Variants in IP6K3 observed in about 807,000 individuals in gnomAD.
IP6K3 encodes the protein inositol hexakisphosphate kinase 3.
In IP6K3, 20 loss-of-function variants were observed where a neutral mutation model predicts 28.8. That is an observed-to-expected ratio of 0.70 (90% CI 0.49 to 1.01). The LOEUF (loss-of-function observed/expected upper bound fraction) is 1.01. Among genes scored for constraint, IP6K3 ranks in the 50% least tolerant of loss-of-function variants. The pLI, the probability that IP6K3 is intolerant of heterozygous loss-of-function variation, is 0.00. For synonymous variants in IP6K3, 213 were observed against 221.3 expected (o/e 0.96, Z 0.33); for missense variants, 480 against 537.1 (o/e 0.89, Z 1.05).
Position 33,744,810 on chromosome 6 carries a change from A to G in IP6K3, c.-180+1948T>C, listed in dbSNP as rs1186236818. Reference sequence around the variant, plus strand: ...ATCATTGAGGTTGGATTCTCCCCATAACGTTCTATAACATCTCTTGCCCTC... The same window carrying G: ...ATCATTGAGGTTGGATTCTCCCCATGACGTTCTATAACATCTCTTGCCCTC... On this transcript the variant is annotated intron_variant, in intron 1 of 5. Coordinates refer to ENST00000293756, the MANE Select transcript of IP6K3 (RefSeq NM_054111.5). This position sits in a 1 kb window ranked among gnomAD's most constrained non-coding sequence, Gnocchi z 4.4. Among the ~76,000 whole-genome samples the G allele has an allele frequency of 6.6e-6, 1 of 152,188 alleles. No individual in the cohort carries two copies. Among genetic ancestry groups the G allele is most frequent in the Non-Finnish European group, 1.5e-5 (1 of 68,022 alleles).
chr6:33,745,089 G>A (rs1292782285), intron 1 of IP6K3, among the ~76,000 whole-genome samples: 4 of 152,248 alleles, frequency 2.6e-5, no homozygotes, highest in African/African-American at 7.2e-5. Flanking sequence ...ACTGCAGCCC[G>A]CGGGCCAGCA....
At chr6:33,730,043 A>G (rs1403201534) in intron 2 of IP6K3, among the ~76,000 whole-genome samples, 1 of 152,114 alleles carries the variant, frequency 6.6e-6, no homozygotes, top group Non-Finnish European at 1.5e-5. Context: ...GTCTTCATTT[A>G]ATCTCCTTTG....
At chr6:33,760,257 G>T in the IP6K3 span, among the ~76,000 whole-genome samples, 1 of 152,260 alleles carries the variant, frequency 6.6e-6, no homozygotes, top group African/African-American at 2.4e-5. Context: ...GGAGTGCTCA[G>T]TGGAGACTGC....
At chr6:33,758,401 C>T in the IP6K3 span, among the ~76,000 whole-genome samples, 12 of 152,128 alleles carry the variant, frequency 7.9e-5, no homozygotes, top group East Asian at 5.8e-4. Flanking sequence ...TGTGGTGGCA[C>T]GTGCCTGTAG....
chr6:33,755,734 C>T, the IP6K3 span, among the ~76,000 whole-genome samples: 9 of 152,372 alleles, frequency 5.9e-5, no homozygotes, highest in South Asian at 1.5e-3. Context: ...CTACTCATTC[C>T]GCACGCATGG....
At chr6:33,739,488 C>T (rs1054156265) in intron 1 of IP6K3, among the ~76,000 whole-genome samples, 5 of 152,140 alleles carry the variant, frequency 3.3e-5, no homozygotes, top group Admixed American at 6.5e-5. Flanking sequence ...GGGTGGGTTT[C>T]GCCGCTGCTC....
intron 1 of IP6K3, among the ~76,000 whole-genome samples, chr6:33,738,147 G>T (rs896770321): frequency 2.0e-5 from 3 of 152,100 alleles, no homozygotes; most frequent in African/African-American, 7.2e-5. Flanking sequence ...TTTGCCAGCT[G>T]ACCTGTCCCC....
At chr6:33,740,166 C>A (rs1296064194) in intron 1 of IP6K3, among the ~76,000 whole-genome samples, 2 of 152,220 alleles carry the variant, frequency 1.3e-5, no homozygotes, top group African/African-American at 4.8e-5. Flanking sequence ...CCTTGCCCAG[C>A]ATCCTTCCCT....
At chr6:33,729,162 C>T (rs1007556171) in intron 2 of IP6K3, among the ~76,000 whole-genome samples, 5 of 152,222 alleles carry the variant, frequency 3.3e-5, no homozygotes, top group African/African-American at 1.2e-4. Context: ...CTGTGGCAGG[C>T]ACATTAGCAG....
intron 1 of IP6K3, among the ~76,000 whole-genome samples, chr6:33,743,988 A>G (rs1175048816): frequency 6.6e-6 from 1 of 152,110 alleles, no homozygotes; most frequent in Non-Finnish European, 1.5e-5. Context: ...ACTTAGCAGC[A>G]CCAACAATGT....
At chr6:33,730,681 G>A (rs1302091098) in intron 2 of IP6K3, among the ~76,000 whole-genome samples, 1 of 152,138 alleles carries the variant, frequency 6.6e-6, no homozygotes, top group East Asian at 1.9e-4. Flanking sequence ...CTAAGTCACA[G>A]TACGCCTGTA....
At position 33,722,674 on chromosome 6, in the gene IP6K3, A is replaced by G. The variant is rs755887816; in HGVS notation, c.*46T>C. The G allele has an allele frequency of 2.2e-6, 3 of 1,351,686 alleles. No individual in the cohort carries two copies. The highest frequency in any genetic ancestry group is 2.0e-5 in the Admixed American group (1 of 51,094). 83.7% of individuals were successfully genotyped at this position (1,351,686 alleles called of 1,614,324 possible). The stretch of plus-strand genomic sequence containing the variant: ...CTACCCTAGCAACCAACAGGTCTCT[A>G]TTTGAGATCTATAGCCCAGAAGAAT... On this transcript the variant is annotated 3_prime_UTR_variant, in exon 6 of 6. Coordinates refer to ENST00000293756, the MANE Select transcript of IP6K3 (RefSeq NM_054111.5).
Position 33,728,096 on chromosome 6 carries a change from G to A in IP6K3, c.404C>T (p.Pro135Leu). The part of the protein sequence containing the change: ...QWPHAQLARS[P>L]KESPAKALLR... ...TGCCCAGTGCCCTCACCTCTCCTTG[G>A]GTGAGCGTGCCAGCTGGGCATGCGG... The change falls in exon 3 of 6, where the codon CCC becomes CTC. Residue 135 changes from proline (P) to leucine (L), a missense_variant. Pro to Leu is a moderately conservative substitution (Grantham distance 98). Coordinates refer to ENST00000293756, the MANE Select transcript of IP6K3 (RefSeq NM_054111.5). The A allele has an allele frequency of 3.1e-6, 5 of 1,604,124 alleles. No individual in the cohort carries two copies. The highest frequency in any genetic ancestry group is 4.2e-6 in the Non-Finnish European group (5 of 1,179,848).
At chr6:33,762,132 T>C in the IP6K3 span, among the ~76,000 whole-genome samples, 1 of 152,118 alleles carries the variant, frequency 6.6e-6, no homozygotes, top group Admixed American at 6.5e-5. Context: ...GGAGCCCTTG[T>C]GTGTTCAGCC....
chr6:33,742,077 G>T lies in IP6K3; in HGVS notation c.-180+4681C>A, dbSNP rs1766746537. Among the ~76,000 whole-genome samples the T allele has an allele frequency of 6.6e-6, 1 of 151,956 alleles. No individual in the cohort carries two copies. Among genetic ancestry groups the T allele is most frequent in the Non-Finnish European group, 1.5e-5 (1 of 68,010 alleles). On this transcript the variant is annotated intron_variant, in intron 1 of 5. Transcript: ENST00000293756. The surrounding 1 kb of genome is among the most constrained non-coding windows in gnomAD (Gnocchi z 4.5). ...TAGTCACTCCTAAGGGTCAACTCTG[G>T]ACCCCTGGCTTTACAATCACACCTC... is the stretch of plus-strand genomic sequence containing the variant.
At position 33,726,729 on chromosome 6, in the gene IP6K3, A is replaced by G. The variant is rs1425801232; in HGVS notation, c.589+2T>C. ...CACATGTGAGGGGGATGGCAAGGAT[A>G]CGATGCCGCTTGTTCTCTGGGTACT... On this transcript the variant is annotated splice_donor_variant, in intron 4 of 5. Coordinates refer to ENST00000293756, the MANE Select transcript of IP6K3 (RefSeq NM_054111.5). LOFTEE classifies it high-confidence loss of function. 5 of 1,577,248 alleles carry G rather than the reference A, an allele frequency of 3.2e-6. No homozygotes were observed. The African/African-American group carries it at 4.0e-5, about 13-fold the overall frequency.
At chr6:33,754,010 C>A in the IP6K3 span, among the ~76,000 whole-genome samples, 1 of 151,938 alleles carries the variant, frequency 6.6e-6, no homozygotes, top group Non-Finnish European at 1.5e-5. Flanking sequence ...GGGGTTTCAC[C>A]GTGTTAGCCA....
rs767993790 is a variant in IP6K3 at position 33,728,230 on chromosome 6, C to A, written c.270G>T (p.Glu90Asp). ...TGGAGACCTTGAAGGGCTCCTGGCT[C>A]TCCTTCACTGGGTTGGCAACCAAGC... is the stretch of plus-strand genomic sequence containing the variant. ...HLSLVANPVK[E>D]SQEPFKVSTE... The change falls in exon 3 of 6, where the codon GAG becomes GAT. Residue 90 changes from glutamate (E) to aspartate (D), a missense_variant. Transcript: ENST00000293756. 1.9e-6 allele frequency: 3 copies of A among 1,614,100 alleles called. No homozygotes were observed. In the African/African-American group the frequency reaches 4.0e-5, roughly 22 times the overall value.
chr6:33,749,139 G>A (rs1381606686), upstream of IP6K3, among the ~76,000 whole-genome samples: 1 of 152,134 alleles, frequency 6.6e-6, no homozygotes, highest in African/African-American at 2.4e-5. Context: ...AGGTTCTAGA[G>A]GGGGAAGGAC....
Sources: allele counts gnomAD v4.1 joint callset (sites outside exome capture counted in the v4.1 genomes callset), GRCh38; gene constraint gnomAD v4.1.1; non-coding constraint Gnocchi (gnomAD v3.1); transcripts MANE v1.5; gene names NCBI Gene and HGNC (gene_info 2026-07-23, HGNC 2026-07-21).